Variants in ZNF561 observed in about 807,000 individuals in gnomAD.
ZNF561 encodes zinc finger protein 561.
A neutral mutation model predicts 16.7 loss-of-function variants in ZNF561; 16 were observed. The observed-to-expected ratio is 0.96, with a 90% CI of 0.65 to 1.45. The LOEUF (loss-of-function observed/expected upper bound fraction) is 1.45. ZNF561 is among the 40% of genes most tolerant of loss of function. The probability of loss-of-function intolerance (pLI) is 0.00; values close to 1 mark genes in which losing one functional copy is unlikely to be tolerated. For synonymous variants in ZNF561, 190 were observed against 192.1 expected, an observed-to-expected ratio of 0.99 and a Z score of 0.09; for missense variants, 580 against 578.0, an observed-to-expected ratio of 1.00 and a Z score of -0.04.
At chr19:9,618,047 G>T in intron 3 of ZNF561, 44 bp downstream of exon 3, 1 of 1,506,602 alleles carries the variant, frequency 6.6e-7, no homozygotes. Context: ...CTACCTATTG[G>T]ATGAAAGCAT....
chr19:9,607,745 C>G lies in ZNF561; in HGVS notation c.*2455G>C, dbSNP rs977554908. The G allele has an allele frequency of 6.6e-6, 1 of 152,094 alleles. No individual in the cohort carries two copies. The highest frequency in any genetic ancestry group is 1.5e-5 in the Non-Finnish European group (1 of 68,024). The allele number at this position is 152,094 out of a possible 1,614,324, so 9.4% of individuals were successfully genotyped here. A position where few individuals can be genotyped will look rare whatever the true frequency, so the allele number is the denominator to read the frequency against. On this transcript the variant is annotated 3_prime_UTR_variant, in exon 6 of 6. Coordinates refer to ENST00000302851, the MANE Select transcript of ZNF561 (RefSeq NM_152289.3). ...GTGGAAAAGTAAGAGTCATTATTTA[C>G]AGATTATGTGATTGTCTATGTGGAA...
intron 3 of ZNF561, chr19:9,617,598 C>T (rs972777119): frequency 1.3e-5 from 6 of 449,322 alleles, no homozygotes; most frequent in Non-Finnish European, 2.3e-5. Context: ...CTTCGATCTC[C>T]TGGGCTGAAG....
At chr19:9,619,921 C>CTATCTATCTATCTAT (rs1555692401) in intron 1 of ZNF561, among the ~76,000 whole-genome samples, 24 of 116,232 alleles carry the variant, frequency 2.1e-4, no homozygotes, top group African/African-American at 4.7e-4. Flanking sequence ...CTATATCTAT[C>CTATCTATCTATCTAT]CTATCTATCT....
intron 5 of ZNF561, among the ~76,000 whole-genome samples, chr19:9,611,724 C>T (rs373910082): frequency 6.6e-6 from 1 of 151,682 alleles, no homozygotes; most frequent in Non-Finnish European, 1.5e-5. Context: ...ATATTACAGG[C>T]ATGACCCACC....
chr19:9,618,416 A>T (rs1018359348), intron 2 of ZNF561, among the ~76,000 whole-genome samples: 2 of 152,182 alleles, frequency 1.3e-5, no homozygotes, highest in African/African-American at 4.8e-5. Flanking sequence ...TTTTTCAAGG[A>T]AACTTACACC....
intron 4 of ZNF561, among the ~76,000 whole-genome samples, chr19:9,616,326 G>A (rs577266777): frequency 6.6e-5 from 10 of 151,802 alleles, no homozygotes; most frequent in Middle Eastern, 3.2e-3. Flanking sequence ...GTGTCGCCCC[G>A]GCAGGAGTGC....
At position 9,608,273 on chromosome 19, in the gene ZNF561, GAA is replaced by G. The variant is rs1277209831; in HGVS notation, c.*1925_*1926del. ...GAGAGAGATGGTGGGGAGAGAGAGA[GAA>G]AGAGGAGAGAGGAGAGAGGAGAAAG... On this transcript the variant is annotated 3_prime_UTR_variant, in exon 6 of 6. Coordinates refer to ENST00000302851, the MANE Select transcript of ZNF561 (RefSeq NM_152289.3). The G allele has an allele frequency of 4.0e-5, 6 of 151,894 alleles. No homozygotes were observed. Among genetic ancestry groups the G allele is most frequent in the Non-Finnish European group, 7.4e-5 (5 of 68,004 alleles). 9.4% of individuals were successfully genotyped at this position (151,894 alleles called of 1,614,324 possible).
chr19:9,615,722 A>G (rs1053465043), intron 4 of ZNF561, among the ~76,000 whole-genome samples: 3 of 151,248 alleles, frequency 2.0e-5, no homozygotes, highest in African/African-American at 4.9e-5. Context: ...GCTGGCCAAC[A>G]TGGCGAAACC....
chr19:9,619,305 T>C (rs1331496925), intron 2 of ZNF561, 127 bp downstream of exon 2: 4 of 670,710 alleles, frequency 6.0e-6, no homozygotes, highest in Non-Finnish European at 1.0e-5. Flanking sequence ...TTCTGTTCTG[T>C]GGTTCACTTC....
chr19:9,617,521 T>C, intron 3 of ZNF561: 1 of 330,256 alleles, frequency 3.0e-6, no homozygotes, highest in Non-Finnish European at 5.8e-6. Context: ...ATCTAATCTG[T>C]TTATTTATTT....
chr19:9,617,094 G>A lies in ZNF561; in HGVS notation c.192C>T (p.Tyr64=), dbSNP rs368771183. The A allele has an allele frequency of 1.9e-6, 3 of 1,613,222 alleles. No homozygotes were observed. The highest frequency in any genetic ancestry group is 2.5e-6 in the Non-Finnish European group (3 of 1,179,542). Residue 64 remains tyrosine (Y), a synonymous_variant, in exon 4 of 6, where the codon TAC becomes TAT. Coordinates refer to ENST00000302851, the MANE Select transcript of ZNF561 (RefSeq NM_152289.3). ...TCTCCAGCATCACATCTCTGTAGAGGTATTTCTCAGTTGTGTCCAGTAAAG... is the reference window on the plus strand; with the variant it reads ...TCTCCAGCATCACATCTCTGTAGAGATATTTCTCAGTTGTGTCCAGTAAAG... ...EWALLDTTEK[Y]LYRDVMLENY...
At position 9,611,075 on chromosome 19, in the gene ZNF561, G is replaced by C; in HGVS notation, c.586C>G (p.Pro196Ala). 6.2e-7 allele frequency: 1 copy of C among 1,614,130 alleles called. No homozygotes were observed. Among genetic ancestry groups the C allele is most frequent in the Non-Finnish European group, 8.5e-7 (1 of 1,180,020 alleles). The change falls in exon 6 of 6, where the codon CCC (proline) becomes GCC (alanine). Residue 196 changes from proline to alanine, a missense_variant. Pro to Ala is a conservative substitution (Grantham distance 27). Transcript: ENST00000302851. ...VHLEVLNARQ[P>A]YKCKECGKGF... is the part of the protein sequence containing the mutation. Reference sequence around the variant, plus strand: ...TTTCCACATTCCTTACATTTGTAGGGTTGTCTTGCATTGAGAACTTCAAGA... The same window carrying C: ...TTTCCACATTCCTTACATTTGTAGGCTTGTCTTGCATTGAGAACTTCAAGA...
At chr19:9,616,818 T>C (rs1309376399) in intron 4 of ZNF561, among the ~76,000 whole-genome samples, 1 of 151,816 alleles carries the variant, frequency 6.6e-6, no homozygotes, top group Non-Finnish European at 1.5e-5. Context: ...ATGGTCTCCA[T>C]CTCTGGACCT....
At chr19:9,615,433 C>T (rs2074536905) in intron 4 of ZNF561, among the ~76,000 whole-genome samples, 1 of 151,256 alleles carries the variant, frequency 6.6e-6, no homozygotes, top group African/African-American at 2.4e-5. Flanking sequence ...TCCTTCTCTA[C>T]TAAAAATACA....
At position 9,617,182 on chromosome 19, in the gene ZNF561, A is replaced by G; in HGVS notation, c.115-11T>C. The G allele has an allele frequency of 1.9e-6, 3 of 1,610,636 alleles. No homozygotes were observed. Among genetic ancestry groups the G allele is most frequent in the South Asian group, 1.1e-5 (1 of 90,664 alleles). On this transcript the variant is annotated splice_polypyrimidine_tract_variant and intron_variant, in intron 3 of 5. Transcript: ENST00000302851. Reference sequence around the variant, plus strand: ...AAACGTCACTGAATCCTATGTCATCATACACATGCTGGTTTGAGCCAATGA... The same window carrying G: ...AAACGTCACTGAATCCTATGTCATCGTACACATGCTGGTTTGAGCCAATGA...
intron 5 of ZNF561, among the ~76,000 whole-genome samples, chr19:9,612,462 C>T (rs938970938): frequency 6.6e-6 from 1 of 152,174 alleles, no homozygotes; most frequent in Non-Finnish European, 1.5e-5. Flanking sequence ...TCATGATCTG[C>T]CTGCCTCAAC....
At chr19:9,617,352 G>A in intron 3 of ZNF561, 181 bp from the exon 4 acceptor site, 3 of 1,265,244 alleles carry the variant, frequency 2.4e-6, no homozygotes, top group Non-Finnish European at 2.0e-6. Flanking sequence ...ACCTCCTACA[G>A]GCATATGCCT....
At chr19:9,617,006 T>G (rs767015618) in intron 4 of ZNF561, 39 bp downstream of exon 4, 1 of 1,582,772 alleles carries the variant, frequency 6.3e-7, no homozygotes, top group East Asian at 2.3e-5. Flanking sequence ...GGACTACAGG[T>G]GCAGGCCACC....
At position 9,610,896 on chromosome 19, in the gene ZNF561, A is replaced by G. The variant is rs1367867278; in HGVS notation, c.765T>C (p.Thr255=). The G allele has an allele frequency of 1.9e-6, 3 of 1,614,146 alleles. No individual in the cohort carries two copies. The highest frequency in any genetic ancestry group is 2.5e-6 in the Non-Finnish European group (3 of 1,180,010). ...AVHTGKKSKK[T]KKCGKSFTNF... Reference sequence around the variant, plus strand: ...TAGTGAAGGATTTCCCACATTTCTTAGTCTTTTTGGATTTCTTTCCTGTAT... The same window carrying G: ...TAGTGAAGGATTTCCCACATTTCTTGGTCTTTTTGGATTTCTTTCCTGTAT... The change falls in exon 6 of 6, where the codon ACT becomes ACC. Residue 255 remains threonine, a synonymous_variant. Transcript: ENST00000302851.
Sources: gnomAD v4.1 joint callset for allele counts (sites outside exome capture counted in the v4.1 genomes callset) on GRCh38, gnomAD v4.1.1 for gene constraint, MANE v1.5 for transcripts, NCBI Gene and HGNC (gene_info 2026-07-23, HGNC 2026-07-21) for gene names.